Variants in JAKMIP1 observed in about 807,000 individuals in gnomAD.
The protein encoded by JAKMIP1 is janus kinase and microtubule interacting protein 1.
JAKMIP1 carries 33 observed loss-of-function variants against 113.0 expected under a neutral mutation model. The observed-to-expected ratio is 0.29, with a 90% confidence interval of 0.22 to 0.39. The LOEUF (loss-of-function observed/expected upper bound fraction) is 0.39. Ranked by LOEUF, JAKMIP1 falls within the 10% of genes least tolerant of loss-of-function variation. The pLI is 1.00. For missense variants in JAKMIP1, 813 were observed against 1,080.5 expected, an observed-to-expected ratio of 0.75 and a Z score of 3.47; for synonymous variants, 480 against 459.9, an observed-to-expected ratio of 1.04 and a Z score of -0.56.
intron 1 of JAKMIP1, among the ~76,000 whole-genome samples, chr4:6,126,097 C>T: frequency 7.1e-6 from 1 of 141,230 alleles, no homozygotes. Context: ...CATACAGAAA[C>T]ACACACACAC....
rs1719667239 is a variant in JAKMIP1 at position 6,138,976 on chromosome 4, T to C, written c.-147-25979A>G. Among the ~76,000 whole-genome samples, 5 of 152,128 alleles carry C rather than the reference T, an allele frequency of 3.3e-5. No individual in the cohort carries two copies. Among genetic ancestry groups the C allele is most frequent in the Admixed American group, 3.3e-4 (5 of 15,272 alleles). On this transcript the variant is annotated intron_variant, in intron 1 of 20. Transcript: ENST00000409021. This position sits in a 1 kb window ranked among gnomAD's most constrained non-coding sequence, Gnocchi z 6.0. ...CACGAGCCTTCATCTGGCTGGAATA[T>C]GTCTCCCCACCCCACCCTGTCTGTT...
intron 1 of JAKMIP1, among the ~76,000 whole-genome samples, chr4:6,174,162 A>G (rs911859623): frequency 1.3e-5 from 2 of 152,230 alleles, no homozygotes; most frequent in East Asian, 1.9e-4. Flanking sequence ...CAATCGTTGC[A>G]ATAATACCCT....
At position 6,031,725 on chromosome 4, in the gene JAKMIP1, C is replaced by G. The variant is rs1712693495; in HGVS notation, c.2380-1944G>C. On this transcript the variant is annotated intron_variant, in intron 19 of 20. Transcript: ENST00000409021. The surrounding 1 kb of genome is among the most constrained non-coding windows in gnomAD (Gnocchi z 4.4). ...TCAGGATGATCACGGGGCAGCCAAA[C>G]AGAATGGATTCCACGAAGGAGACAG... Among the ~76,000 whole-genome samples the G allele has an allele frequency of 6.6e-6, 1 of 152,140 alleles. No homozygotes were observed. The highest frequency in any genetic ancestry group is 1.5e-5 in the Non-Finnish European group (1 of 68,034).
chr4:6,191,681 G>T (rs1259677627), intron 1 of JAKMIP1, among the ~76,000 whole-genome samples: 3 of 152,174 alleles, frequency 2.0e-5, no homozygotes, highest in African/African-American at 7.2e-5. Flanking sequence ...GCCCTCTGGA[G>T]CTTACAGCTA....
At chr4:6,091,741 C>T (rs1722093888) in intron 3 of JAKMIP1, among the ~76,000 whole-genome samples, 1 of 152,204 alleles carries the variant, frequency 6.6e-6, no homozygotes, top group Admixed American at 6.5e-5. Flanking sequence ...CTTGCACTGT[C>T]TATAAATCAG....
Position 6,186,089 on chromosome 4 carries a change from G to A in JAKMIP1, c.-148+14164C>T, listed in dbSNP as rs932489074. 2.0e-5 allele frequency among the ~76,000 whole-genome samples: 3 copies of A among 152,116 alleles called. No homozygotes were observed. The highest frequency in any genetic ancestry group is 1.5e-5 in the Non-Finnish European group (1 of 67,994). ...CACAGTGTCTGGCTAGGGGCTACAG[G>A]AAGGAGAACGAACAAGTTGTGGTGA... On this transcript the variant is annotated intron_variant, in intron 1 of 20. Transcript: ENST00000409021. The surrounding 1 kb of genome is among the most constrained non-coding windows in gnomAD (Gnocchi z 5.5).
In JAKMIP1 at chr4:6,155,887, C is replaced by A. The variant is rs1722177129; in HGVS notation, c.-147-42890G>T. Among the ~76,000 whole-genome samples, 1 of 152,122 alleles carries A rather than the reference C, an allele frequency of 6.6e-6. No homozygotes were observed. The highest frequency in any genetic ancestry group is 2.4e-5 in the African/African-American group (1 of 41,420). On this transcript the variant is annotated intron_variant, in intron 1 of 20. Transcript: ENST00000409021. This position sits in a 1 kb window ranked among gnomAD's most constrained non-coding sequence, Gnocchi z 6.1. ...GGCACTCTCTAGAGGTGGGGCCTGG[C>A]AATCTTAAGTTTGCACATACATTTT...
chr4:6,052,646 G>C (rs1715803993), intron 13 of JAKMIP1, among the ~76,000 whole-genome samples: 2 of 103,690 alleles, frequency 1.9e-5, no homozygotes, highest in Non-Finnish European at 3.5e-5. Flanking sequence ...GCGAGACTCT[G>C]TCCTAAAAAA....
In JAKMIP1 at chr4:6,178,927, C is replaced by T. The variant is rs572924414; in HGVS notation, c.-148+21326G>A. On this transcript the variant is annotated intron_variant, in intron 1 of 20. Transcript: ENST00000409021. This position sits in a 1 kb window ranked among gnomAD's most constrained non-coding sequence, Gnocchi z 5.5. Reference sequence around the variant, plus strand: ...CTCCCTGCCCCGGCACAGTGCCTGGCTCGGAGAGCACACTCGGTCATTCAT... The same window carrying T: ...CTCCCTGCCCCGGCACAGTGCCTGGTTCGGAGAGCACACTCGGTCATTCAT... Among the ~76,000 whole-genome samples, 2 of 152,178 alleles carry T rather than the reference C, an allele frequency of 1.3e-5. No homozygotes were observed. The highest frequency in any genetic ancestry group is 6.5e-5 in the Admixed American group (1 of 15,292).
intron 3 of JAKMIP1, among the ~76,000 whole-genome samples, chr4:6,102,810 T>C (rs1290489294): frequency 1.6e-5 from 2 of 126,544 alleles, no homozygotes; most frequent in African/African-American, 3.0e-5. Flanking sequence ...CTCAGCTCAC[T>C]GCAAGCTCCA....
intron 8 of JAKMIP1, among the ~76,000 whole-genome samples, chr4:6,077,051 C>T (rs1297610106): frequency 1.4e-4 from 21 of 152,144 alleles, no homozygotes; most frequent in African/African-American, 4.8e-4. Flanking sequence ...ATTTAAAATC[C>T]AGCATTTAAA....
At chr4:6,035,190 C>T (rs1167882137) in intron 19 of JAKMIP1, among the ~76,000 whole-genome samples, 1 of 152,072 alleles carries the variant, frequency 6.6e-6, no homozygotes, top group African/African-American at 2.4e-5. Flanking sequence ...TGACATCCCT[C>T]CCCACTGGTA....
intron 5 of JAKMIP1, 60 bp downstream of exon 5, chr4:6,084,786 G>A (rs1252688392): frequency 2.0e-6 from 3 of 1,521,536 alleles, no homozygotes; most frequent in Non-Finnish European, 2.6e-6. Flanking sequence ...CATGTTTCAG[G>A]GACTCAGGGC....
rs1434537058 is a variant in JAKMIP1, at chr4:6,141,150, A to G, written c.-147-28153T>C. Among the ~76,000 whole-genome samples, 1 of 152,190 alleles carries G rather than the reference A, an allele frequency of 6.6e-6. No individual in the cohort carries two copies. Among genetic ancestry groups the G allele is most frequent in the Non-Finnish European group, 1.5e-5 (1 of 68,038 alleles). On this transcript the variant is annotated intron_variant, in intron 1 of 20. Transcript: ENST00000409021. The surrounding 1 kb of genome is among the most constrained non-coding windows in gnomAD (Gnocchi z 9.4). ...CAGCTACCAACATTTAAAGTGGTAG[A>G]CGAGGCCGGGCGCAGTGGCTCATGC...
intron 1 of JAKMIP1, among the ~76,000 whole-genome samples, chr4:6,130,849 A>G (rs534062686): frequency 3.3e-5 from 5 of 152,116 alleles, no homozygotes; most frequent in Admixed American, 2.0e-4. Context: ...AATGAAAAAA[A>G]AGACTAAAAA....
rs1014874914 is a variant in JAKMIP1 at position 6,135,743 on chromosome 4, T to C, written c.-147-22746A>G. ...CTGAGAGCCACAGCCAGCCTGGACTTGAACCCAAGCCTTCTAAGGCCCATC... is the reference window on the plus strand; with the variant it reads ...CTGAGAGCCACAGCCAGCCTGGACTCGAACCCAAGCCTTCTAAGGCCCATC... On this transcript the variant is annotated intron_variant, in intron 1 of 20. Coordinates refer to ENST00000409021, the MANE Select transcript of JAKMIP1 (RefSeq NM_001099433.2). This position sits in a 1 kb window ranked among gnomAD's most constrained non-coding sequence, Gnocchi z 4.9. Among the ~76,000 whole-genome samples, 7 of 152,162 alleles carry C rather than the reference T, an allele frequency of 4.6e-5. No homozygotes were observed. The highest frequency in any genetic ancestry group is 1.3e-4 in the Admixed American group (2 of 15,270).
chr4:6,035,745 G>C (rs1216913774), intron 19 of JAKMIP1, among the ~76,000 whole-genome samples, 159 bp downstream of exon 19: 1 of 152,236 alleles, frequency 6.6e-6, no homozygotes, highest in African/African-American at 2.4e-5. Context: ...GGGGAGATAT[G>C]ATGGGCATCT....
chr4:6,135,143 C>T lies in JAKMIP1; in HGVS notation c.-147-22146G>A, dbSNP rs560039207. Among the ~76,000 whole-genome samples the T allele has an allele frequency of 7.9e-5, 12 of 152,144 alleles. No individual in the cohort carries two copies. The highest frequency in any genetic ancestry group is 1.9e-4 in the African/African-American group (8 of 41,442). On this transcript the variant is annotated intron_variant, in intron 1 of 20. Transcript: ENST00000409021. The surrounding 1 kb of genome is among the most constrained non-coding windows in gnomAD (Gnocchi z 4.9). ...TCAAGCCATGGTATATGGGCTGACT[C>T]GTGTCCCTCCAAAATTCTTATGTTG...
rs1721819420 is a variant in JAKMIP1, at chr4:6,153,166, C to A, written c.-147-40169G>T. On this transcript the variant is annotated intron_variant, in intron 1 of 20. Coordinates refer to ENST00000409021, the MANE Select transcript of JAKMIP1 (RefSeq NM_001099433.2). This position sits in a 1 kb window ranked among gnomAD's most constrained non-coding sequence, Gnocchi z 4.9. ...GGCTTCAAAATCAAGCTCTACCAGA[C>A]TCTCCTGGCATCCAGCTCACCAGAG... Among the ~76,000 whole-genome samples, 1 of 152,164 alleles carries A rather than the reference C, an allele frequency of 6.6e-6. No individual in the cohort carries two copies. Among genetic ancestry groups the A allele is most frequent in the Admixed American group, 6.5e-5 (1 of 15,284 alleles).
Sources: gnomAD v4.1 joint callset for allele counts (sites outside exome capture counted in the v4.1 genomes callset) on GRCh38, gnomAD v4.1.1 for gene constraint, Gnocchi (gnomAD v3.1) non-coding constraint, MANE v1.5 for transcripts, NCBI Gene and HGNC (gene_info 2026-07-23, HGNC 2026-07-21) for gene names.